Variants in COL4A1 observed in about 807,000 individuals in gnomAD.
COL4A1 encodes the protein collagen type IV alpha 1 chain.
COL4A1 carries 40 observed loss-of-function variants against 216.6 expected under a neutral mutation model. That is an observed-to-expected ratio of 0.18 (90% CI 0.14 to 0.24). The LOEUF is 0.24. Ranked by LOEUF, COL4A1 falls within the 10% of genes least tolerant of loss-of-function variation. The pLI is 1.00. For missense variants in COL4A1, 1,628 were observed against 2,196.8 expected (o/e 0.74, Z 5.18); for synonymous variants, 839 against 810.7 (o/e 1.03, Z -0.59).
intron 21 of COL4A1, among the ~76,000 whole-genome samples, chr13:110,198,078 G>GGTGT (rs35751015): frequency 0.06 from 8,573 of 141,784 alleles, 278 homozygotes; most frequent in South Asian, 0.11. Flanking sequence ...TTGTTTCTGG[G>GGTGT]GTGTGTGTGT....
At chr13:110,195,993 TG>T (rs1878869960) in intron 21 of COL4A1, among the ~76,000 whole-genome samples, 1 of 152,168 alleles carries the variant, frequency 6.6e-6, no homozygotes, top group South Asian at 2.1e-4. Flanking sequence ...AGTGGGGCTG[TG>T]GGGCCCTCCC....
At chr13:110,263,381 G>A (rs1218279469) in intron 1 of COL4A1, among the ~76,000 whole-genome samples, 5 of 152,186 alleles carry the variant, frequency 3.3e-5, no homozygotes, top group Non-Finnish European at 7.3e-5. Flanking sequence ...AAGATAAACT[G>A]AGCCCCACCA....
At chr13:110,160,935 C>G in intron 49 of COL4A1, 1 of 491,920 alleles carries the variant, frequency 2.0e-6, no homozygotes, top group Non-Finnish European at 3.7e-6. Context: ...TCTTGAACTC[C>G]TGAGCTCAAG....
chr13:110,204,666 T>A (rs1317814507), intron 17 of COL4A1, among the ~76,000 whole-genome samples: 1 of 134,948 alleles, frequency 7.4e-6, no homozygotes, highest in Non-Finnish European at 1.6e-5. Flanking sequence ...TTTTTTTTAG[T>A]TAGTTCCCCA....
chr13:110,286,295 G>A (rs750439656), intron 1 of COL4A1, among the ~76,000 whole-genome samples: 10 of 152,334 alleles, frequency 6.6e-5, no homozygotes, highest in Non-Finnish European at 1.3e-4. Context: ...TAACCATCTG[G>A]TTTATTCACA....
intron 1 of COL4A1, among the ~76,000 whole-genome samples, chr13:110,277,109 G>C (rs1240551149): frequency 6.6e-6 from 1 of 152,040 alleles, no homozygotes; most frequent in Non-Finnish European, 1.5e-5. Flanking sequence ...TACGTTAATC[G>C]AGCTTAAATG....
At chr13:110,218,567 G>A (rs1273421218) in intron 2 of COL4A1, among the ~76,000 whole-genome samples, 2 of 152,198 alleles carry the variant, frequency 1.3e-5, no homozygotes, top group Non-Finnish European at 2.9e-5. Context: ...AAAATGTCAT[G>A]GGATGCTGAA....
intron 1 of COL4A1, among the ~76,000 whole-genome samples, chr13:110,259,463 T>A (rs1380058102): frequency 6.6e-6 from 1 of 152,212 alleles, no homozygotes; most frequent in African/African-American, 2.4e-5. Context: ...AGATGGGAAA[T>A]CTTATTTTAG....
intron 1 of COL4A1, among the ~76,000 whole-genome samples, chr13:110,250,784 A>G (rs1164866208): frequency 6.6e-6 from 1 of 152,140 alleles, no homozygotes; most frequent in African/African-American, 2.4e-5. Flanking sequence ...CACTGGCCTG[A>G]CGCACTAGCA....
intron 1 of COL4A1, among the ~76,000 whole-genome samples, chr13:110,277,141 A>T (rs557111080): frequency 3.3e-5 from 5 of 152,304 alleles, no homozygotes; most frequent in Non-Finnish European, 7.4e-5. Context: ...CATCCCAATA[A>T]ATCTTACCAT....
chr13:110,155,133 A>C, intron 50 of COL4A1, 150 bp downstream of exon 50: 1 of 719,122 alleles, frequency 1.4e-6, no homozygotes, highest in Non-Finnish European at 2.5e-6. Context: ...GCTTTGAGGC[A>C]TGCTTTGGAA....
chr13:110,172,816 T>C (rs1877707371), intron 40 of COL4A1, 46 bp from the exon 41 acceptor site: 7 of 1,510,972 alleles, frequency 4.6e-6, no homozygotes, highest in Non-Finnish European at 5.5e-6. Context: ...ACTTAAACAA[T>C]CCATCTGCAG....
chr13:110,305,794 T>G (rs957519078), intron 1 of COL4A1: 1 of 152,238 alleles, frequency 6.6e-6, no homozygotes, highest in Non-Finnish European at 1.5e-5. Flanking sequence ...ATATCACCAG[T>G]TCTCTCTGGC....
intron 29 of COL4A1, 21 bp downstream of exon 29, chr13:110,181,271 G>A: frequency 1.2e-6 from 2 of 1,608,970 alleles, no homozygotes; most frequent in Non-Finnish European, 1.7e-6. Flanking sequence ...AAGGGTCATG[G>A]AGGGAATGCT....
At chr13:110,182,919 G>T in intron 28 of COL4A1, 74 bp downstream of exon 28, 1 of 1,394,826 alleles carries the variant, frequency 7.2e-7, no homozygotes. Flanking sequence ...GTGGTGTTTT[G>T]ATGTCTACCA....
At chr13:110,172,840 C>T in intron 40 of COL4A1, 70 bp from the exon 41 acceptor site, 1 of 1,240,030 alleles carries the variant, frequency 8.1e-7, no homozygotes, top group Non-Finnish European at 1.2e-6. Flanking sequence ...CAACACAAAG[C>T]ACTATCAACT....
At chr13:110,274,467 C>A (rs1273158222) in intron 1 of COL4A1, among the ~76,000 whole-genome samples, 1 of 152,220 alleles carries the variant, frequency 6.6e-6, no homozygotes, top group African/African-American at 2.4e-5. Flanking sequence ...GATCTGGCCG[C>A]ATTCCTTGCC....
At chr13:110,297,338 T>A (rs1421567750) in intron 1 of COL4A1, among the ~76,000 whole-genome samples, 2 of 152,150 alleles carry the variant, frequency 1.3e-5, no homozygotes, top group Non-Finnish European at 2.9e-5. Flanking sequence ...AAAGATCTAC[T>A]TCACAGCATG....
intron 2 of COL4A1, among the ~76,000 whole-genome samples, chr13:110,235,352 C>A (rs1457626229): frequency 1.3e-5 from 2 of 151,978 alleles, no homozygotes; most frequent in Non-Finnish European, 2.9e-5. Flanking sequence ...TTAAAAACAG[C>A]AATAAAAGAA....
Sources: allele counts gnomAD v4.1 joint callset (sites outside exome capture counted in the v4.1 genomes callset), GRCh38; gene constraint gnomAD v4.1.1; transcripts MANE v1.5; gene names NCBI Gene and HGNC (gene_info 2026-07-23, HGNC 2026-07-21).